Variants in ZNF335 observed in about 807,000 individuals in gnomAD.
ZNF335 encodes zinc finger protein 335.
Under a neutral mutation model 145.6 loss-of-function variants are expected in ZNF335, and 84 were observed. The observed-to-expected ratio is 0.58, with a 90% CI of 0.48 to 0.69. ZNF335 has a LOEUF of 0.69. ZNF335 is among the 30% of genes least tolerant of loss of function. The probability of loss-of-function intolerance (pLI) is 0.00; values close to 1 mark genes in which losing one functional copy is unlikely to be tolerated. For synonymous variants in ZNF335, 761 were observed against 717.0 expected, an observed-to-expected ratio of 1.06 and a Z score of -0.98; for missense variants, 1,865 against 1,809.7, an observed-to-expected ratio of 1.03 and a Z score of -0.55.
At chr20:45,956,174 A>T (rs1027956119) in intron 17 of ZNF335, among the ~76,000 whole-genome samples, 7 of 152,174 alleles carry the variant, frequency 4.6e-5, no homozygotes, top group Non-Finnish European at 7.4e-5. Flanking sequence ...GGAGGGGAGA[A>T]ATGCCAAGGA....
In ZNF335 at chr20:45,957,916, C is replaced by T. The variant is rs372743042; in HGVS notation, c.2266G>A (p.Ala756Thr). The change falls in exon 16 of 28, where the codon GCG (alanine) becomes ACG (threonine). Residue 756 changes from alanine to threonine, a missense_variant. By Grantham distance (58) the Ala-to-Thr change is moderately conservative. Transcript: ENST00000322927. The part of the protein sequence containing the change: ...SPGPPEIPPE[A>T]TTFQSSEAPS... ...GCCTCAGATGACTGGAAAGTTGTCG[C>T]CTCTGGGGGTATCTATGGGGTGGAG... The T allele has an allele frequency of 1.5e-5, 25 of 1,613,950 alleles. No individual in the cohort carries two copies. The highest frequency in any genetic ancestry group is 2.7e-5 in the African/African-American group (2 of 74,910).
chr20:45,954,788 T>C (rs2083696427), intron 17 of ZNF335, among the ~76,000 whole-genome samples: 1 of 148,982 alleles, frequency 6.7e-6, no homozygotes, highest in Non-Finnish European at 1.5e-5. Flanking sequence ...TTTTTTTTTT[T>C]TTTTTGAGAC....
rs773421451 is a variant in ZNF335, at chr20:45,959,307, G to A, written c.2147C>T (p.Pro716Leu). ...EEWGRRHPEE[P>L]PSRRRPFFSL... ...GAAGAAGGGGCGACGGCGGGAGGGG[G>A]GCTCCTCAGGGTGGCGCCTCCCCCA... The change falls in exon 15 of 28, where the codon CCC becomes CTC. Residue 716 changes from proline to leucine, a missense_variant. Pro to Leu is a moderately conservative substitution (Grantham distance 98). Transcript: ENST00000322927. 6 of 1,569,854 alleles carry A rather than the reference G, an allele frequency of 3.8e-6. No homozygotes were observed. Among genetic ancestry groups the A allele is most frequent in the Non-Finnish European group, 5.2e-6 (6 of 1,154,346 alleles).
intron 17 of ZNF335, among the ~76,000 whole-genome samples, chr20:45,955,912 A>T (rs1300079020): frequency 6.6e-6 from 1 of 152,190 alleles, no homozygotes; most frequent in African/African-American, 2.4e-5. Context: ...CCAATAAAGG[A>T]CTGCCTAACT....
intron 9 of ZNF335, among the ~76,000 whole-genome samples, chr20:45,962,807 TTTTTTTTGTTTGTTTG>T (rs1294488136): frequency 4.8e-5 from 5 of 103,356 alleles, no homozygotes; most frequent in African/African-American, 8.5e-5. Flanking sequence ...AACCGTTTTT[TTTTTTTTGTTTGTTTG>T]TTTTTTTGAG....
At chr20:45,951,635 G>A (rs2083633794) in intron 20 of ZNF335, among the ~76,000 whole-genome samples, 1 of 152,234 alleles carries the variant, frequency 6.6e-6, no homozygotes, top group Non-Finnish European at 1.5e-5. Flanking sequence ...GTGCTCCTGA[G>A]ACTAATGCAG....
Position 45,954,078 on chromosome 20 carries a change from T to C in ZNF335, c.2443-130A>G, listed in dbSNP as rs147012222. ...GTCAGACCAGTGCTGCCACCACTCA[T>C]TTGAATAGCCCAAGTTCTTTCTAAA... On this transcript the variant is annotated intron_variant, in intron 17 of 27. Coordinates refer to ENST00000322927, the MANE Select transcript of ZNF335 (RefSeq NM_022095.4). The C allele has an allele frequency of 1.1e-5, 12 of 1,142,174 alleles. No homozygotes were observed. The East Asian group carries it at 2.8e-4, about 27-fold the overall frequency. The allele number at this position is 1,142,174 out of a possible 1,614,324, so 70.8% of individuals were successfully genotyped here.
Position 45,952,327 on chromosome 20 carries a change from T to C in ZNF335, c.3009A>G (p.Ala1003=). The change falls in exon 20 of 28, where the codon GCA becomes GCG. Residue 1003 remains alanine, a synonymous_variant. Transcript: ENST00000322927. ...CTGCAGATGGCGGTGACGGGGGCAC[T>C]GCCAGGCCCAGGGCTTTGCTGGTTG... ...PPATSKALGL[A]VPPSPPSAAT... The C allele has an allele frequency of 6.2e-7, 1 of 1,613,360 alleles. No homozygotes were observed. The highest frequency in any genetic ancestry group is 1.1e-5 in the South Asian group (1 of 91,068).
intron 6 of ZNF335, 26 bp downstream of exon 6, chr20:45,967,468 C>T: frequency 6.2e-7 from 1 of 1,614,024 alleles, no homozygotes; most frequent in Non-Finnish European, 8.5e-7. Context: ...ATAGGGATGG[C>T]AGGCCTAGAA....
rs181753695 is a variant in ZNF335 at position 45,971,477 on chromosome 20, C to T, written c.-50-17G>A. On this transcript the variant is annotated splice_polypyrimidine_tract_variant and intron_variant, in intron 1 of 27. Transcript: ENST00000322927. ...AACTTCACTCTGAGAAGAGAGGTGA[C>T]CGTGGCTGGAACAAGTGGGCCATCT... 1,031 of 1,572,514 alleles carry T rather than the reference C, an allele frequency of 6.6e-4. 7 individuals carry two copies. The African/African-American group carries it at 0.013, about 19-fold the overall frequency.
rs531346364 is a variant in ZNF335, at chr20:45,961,938, C to T, written c.1646+132G>A. ...GGGGTGAACTGCCTTTCTGCTCATGCCTGTAGTGTGCAGCAAATGGGGCTG... is the reference window on the plus strand; with the variant it reads ...GGGGTGAACTGCCTTTCTGCTCATGTCTGTAGTGTGCAGCAAATGGGGCTG... On this transcript the variant is annotated intron_variant, in intron 10 of 27. Transcript: ENST00000322927. The T allele has an allele frequency of 3.0e-3, 2,158 of 728,930 alleles. 10 individuals are homozygous for T. Among genetic ancestry groups the T allele is most frequent in the Non-Finnish European group, 4.3e-3 (1,868 of 430,754 alleles). 45.2% of individuals were successfully genotyped at this position (728,930 alleles called of 1,614,324 possible).
rs530390392 is a variant in ZNF335, at chr20:45,963,774, C to T, written c.1319G>A (p.Arg440Gln). 133 of 1,614,030 alleles carry T rather than the reference C, an allele frequency of 8.2e-5. No homozygotes were observed. Among genetic ancestry groups the T allele is most frequent in the Non-Finnish European group, 1.0e-4 (121 of 1,180,004 alleles). ...EHDTLPRRRG[R>Q]PSRRFLGKKY... ...CTTGCCTAGGAAGCGCCTGGAAGGT[C>T]GACCTCGGCGCCGGGGCAGAGTGTC... Residue 440 changes from arginine (R) to glutamine (Q), a missense_variant, in exon 8 of 28, where the codon CGA becomes CAA. By Grantham distance (43) the Arg-to-Gln change is conservative (BLOSUM62 1). Transcript: ENST00000322927.
At position 45,949,031 on chromosome 20, in the gene ZNF335, G is replaced by T; in HGVS notation, c.3951C>A (p.Asp1317Glu). 2.5e-6 allele frequency: 4 copies of T among 1,613,912 alleles called. No individual in the cohort carries two copies. The highest frequency in any genetic ancestry group is 3.4e-6 in the Non-Finnish European group (4 of 1,180,030). Residue 1317 changes from aspartate to glutamate, a missense_variant, in exon 28 of 28, where the codon GAC (aspartate) becomes GAA (glutamate). Physicochemically the swap from Asp to Glu is conservative, Grantham distance 45 (BLOSUM62 2). Transcript: ENST00000322927. ...MAQAQGLFGT[D>E]ETVPEHIQQL... ...GTTGAATGTGTTCGGGCACTGTCTC[G>T]TCTGTACCAAACAGGCCCTGGGCTT...
At position 45,967,965 on chromosome 20, in the gene ZNF335, C is replaced by T. The variant is rs775791227; in HGVS notation, c.583G>A (p.Ala195Thr). The T allele has an allele frequency of 2.4e-5, 39 of 1,612,710 alleles. No homozygotes were observed. Among genetic ancestry groups the T allele is most frequent in the Non-Finnish European group, 3.1e-5 (37 of 1,180,046 alleles). ...GTGGATGTGGGGCCATCTGCCAGGG[C>T]CTCAATGGCTGCTAGGCTGTGGGCC... is the stretch of plus-strand genomic sequence containing the variant. ...TLAHSLAAIE[A>T]LADGPTSTST... is the part of the protein sequence containing the mutation. Residue 195 changes from alanine (A) to threonine (T), a missense_variant, in exon 5 of 28, where the codon GCC (alanine) becomes ACC (threonine). Coordinates refer to ENST00000322927, the MANE Select transcript of ZNF335 (RefSeq NM_022095.4).
Position 45,962,062 on chromosome 20 carries a change from A to C in ZNF335, c.1646+8T>G, listed in dbSNP as rs543622714. On this transcript the variant is annotated splice_region_variant and intron_variant, in intron 10 of 27. Transcript: ENST00000322927. ...TCTTGCCCAGGTCCCTCCCACCCCC[A>C]CACTGACCGGTCCCGGCTGTGCACA... 4.6e-4 allele frequency: 457 copies of C among 991,926 alleles called. 2 individuals are homozygous for C. The African/African-American group carries it at 6.2e-3, about 14-fold the overall frequency. The allele number at this position is 991,926 out of a possible 1,614,324, so 61.4% of individuals were successfully genotyped here. A position where few individuals can be genotyped will look rare whatever the true frequency, so the allele number is the denominator to read the frequency against.
Position 45,963,930 on chromosome 20 carries a change from T to A in ZNF335, c.1163A>T (p.Asp388Val). 6.4e-7 allele frequency: 1 copy of A among 1,565,560 alleles called. No homozygotes were observed. The highest frequency in any genetic ancestry group is 8.7e-7 in the Non-Finnish European group (1 of 1,155,246). ...GCCTGAGGAGCTGGGAGCCTCGGGA[T>A]CCTGTGGCTCTGGAGGGCTCTGTCC... ...QSGQSPPEPQ[D>V]PEAPSSSGPG... Residue 388 changes from aspartate to valine, a missense_variant, in exon 8 of 28, where the codon GAT (aspartate) becomes GTT (valine). Asp to Val is a radical substitution (Grantham distance 152, BLOSUM62 -3). Transcript: ENST00000322927.
intron 3 of ZNF335, chr20:45,968,710 G>A (rs2084005200): frequency 3.6e-6 from 1 of 281,500 alleles, no homozygotes; most frequent in Non-Finnish European, 6.9e-6. Flanking sequence ...TCTTAGGGTT[G>A]GCTTCCCAGA....
rs780815864 is a variant in ZNF335, at chr20:45,972,184, C to T, written c.-113G>A. Reference sequence around the variant, plus strand: ...CATCGACGAGGTCGCCATCCTCTTTCCTCCGCTGCGGAGGAACCCATCGGC... The same window carrying T: ...CATCGACGAGGTCGCCATCCTCTTTTCTCCGCTGCGGAGGAACCCATCGGC... On this transcript the variant is annotated 5_prime_UTR_variant, in exon 1 of 28. Coordinates refer to ENST00000322927, the MANE Select transcript of ZNF335 (RefSeq NM_022095.4). 17 of 1,289,226 alleles carry T rather than the reference C, an allele frequency of 1.3e-5. No individual in the cohort carries two copies. The highest frequency in any genetic ancestry group is 1.5e-5 in the Non-Finnish European group (15 of 988,602). 79.9% of individuals were successfully genotyped at this position (1,289,226 alleles called of 1,614,324 possible).
At chr20:45,957,116 T>G (rs752217383) in intron 17 of ZNF335, among the ~76,000 whole-genome samples, 1 of 152,038 alleles carries the variant, frequency 6.6e-6, no homozygotes, top group Admixed American at 6.6e-5. Context: ...GTGTTGAACT[T>G]TGGGGAGGTG....
Sources: allele counts gnomAD v4.1 joint callset (sites outside exome capture counted in the v4.1 genomes callset), GRCh38; gene constraint gnomAD v4.1.1; transcripts MANE v1.5; gene names NCBI Gene and HGNC (gene_info 2026-07-23, HGNC 2026-07-21).